PEX5: variants seen among roughly 807,000 people sequenced by gnomAD.
PEX5 encodes the protein PTS1 receptor.
Under a neutral mutation model 82.9 loss-of-function variants are expected in PEX5, and 52 were observed. That is an observed-to-expected ratio of 0.63 (90% CI 0.50 to 0.79). The LOEUF is 0.79. Among genes scored for constraint, PEX5 ranks in the 30% least tolerant of loss-of-function variants. PEX5 has a pLI of 0.00. For synonymous variants in PEX5, 300 were observed against 318.8 expected, an observed-to-expected ratio of 0.94 and a Z score of 0.63; for missense variants, 719 against 815.2, an observed-to-expected ratio of 0.88 and a Z score of 1.44.
intron 15 of PEX5, 48 bp downstream of exon 15, chr12:7,209,888 C>G (rs763550650): frequency 3.9e-5 from 63 of 1,610,646 alleles, no homozygotes; most frequent in Non-Finnish European, 4.8e-5. Context: ...TTCTCCCTGC[C>G]TTTGGCCCTA....
At chr12:7,192,005 G>A (rs907131640) in intron 5 of PEX5, among the ~76,000 whole-genome samples, 3 of 152,180 alleles carry the variant, frequency 2.0e-5, no homozygotes, top group African/African-American at 7.2e-5. Flanking sequence ...CAGTGTTGCC[G>A]AGGAAGAGAG....
In PEX5 at chr12:7,197,563, TAAG is replaced by T. The variant is rs1383266643; in HGVS notation, c.449-1447_449-1445del. The stretch of plus-strand genomic sequence containing the variant: ...ATTATATATGTTATATATAATATAA[TAAG>T]TAGTAATTACTTATTATTTATAATT... On this transcript the variant is annotated intron_variant, in intron 5 of 15. Transcript: ENST00000675855. 2.7e-5 allele frequency among the ~76,000 whole-genome samples: 4 copies of T among 147,252 alleles called. 1 individual carries two copies. Among genetic ancestry groups the T allele is most frequent in the South Asian group, 4.2e-4 (2 of 4,786 alleles).
At chr12:7,194,646 T>C (rs1398976196) in intron 5 of PEX5, among the ~76,000 whole-genome samples, 1 of 152,244 alleles carries the variant, frequency 6.6e-6, no homozygotes, top group East Asian at 1.9e-4. Context: ...TAATTCTCCA[T>C]CTTGTGTTTG....
At chr12:7,202,576 G>T in intron 8 of PEX5, 36 bp from the exon 9 acceptor site, 1 of 1,561,424 alleles carries the variant, frequency 6.4e-7, no homozygotes, top group Non-Finnish European at 8.8e-7. Context: ...ATAGAAAGTT[G>T]GTGGTAGTGG....
chr12:7,200,421 G>C (rs1482781665), intron 6 of PEX5, among the ~76,000 whole-genome samples: 1 of 151,468 alleles, frequency 6.6e-6, no homozygotes, highest in Non-Finnish European at 1.5e-5. Flanking sequence ...CAGCCAGGCA[G>C]AGGGGCTCCT....
intron 6 of PEX5, among the ~76,000 whole-genome samples, chr12:7,201,308 TACAC>T (rs1943983036): frequency 2.5e-5 from 3 of 119,818 alleles, no homozygotes; most frequent in South Asian, 2.9e-4. Flanking sequence ...CACATACACA[TACAC>T]ATGTATATAC....
chr12:7,194,280 ATTT>A (rs897369664), intron 5 of PEX5, among the ~76,000 whole-genome samples: 1 of 152,144 alleles, frequency 6.6e-6, no homozygotes, highest in African/African-American at 2.4e-5. Context: ...TTAAATTTAA[ATTT>A]TTTATTTGGA....
chr12:7,213,382 A>T (rs755330669), downstream of PEX5, among the ~76,000 whole-genome samples: 2,295 of 149,220 alleles, frequency 0.015, 65 homozygotes, highest in African/African-American at 0.055. Flanking sequence ...CAAAACAGAG[A>T]TATAGATCAA....
At chr12:7,193,166 T>C (rs780133170) in intron 5 of PEX5, among the ~76,000 whole-genome samples, 2 of 152,024 alleles carry the variant, frequency 1.3e-5, no homozygotes, top group Non-Finnish European at 2.9e-5. Context: ...AAAAGTTAAA[T>C]ACTTTGTGCA....
intron 5 of PEX5, among the ~76,000 whole-genome samples, chr12:7,193,629 A>C (rs114745552): frequency 4.3e-4 from 66 of 152,290 alleles, no homozygotes; most frequent in African/African-American, 1.6e-3. Context: ...TAAACCTTAG[A>C]CTTAAGTGCT....
At chr12:7,212,279 CT>C (rs2136285643), downstream of PEX5, among the ~76,000 whole-genome samples, 1 of 151,928 alleles carries the variant, frequency 6.6e-6, no homozygotes, top group East Asian at 1.9e-4. Context: ...AAAAGTCTAA[CT>C]TTTAAATTTA....
intron 9 of PEX5, 36 bp from the exon 10 acceptor site, chr12:7,203,396 G>T (rs1295855945): frequency 1.3e-6 from 2 of 1,595,118 alleles, no homozygotes; most frequent in Admixed American, 1.8e-5. Flanking sequence ...GGTCATGATG[G>T]ATCTCCTTTT....
intron 5 of PEX5, among the ~76,000 whole-genome samples, chr12:7,198,097 A>AAAC (rs1943091682): frequency 6.6e-6 from 1 of 152,072 alleles, no homozygotes; most frequent in South Asian, 2.1e-4. Flanking sequence ...GGAGGATGAA[A>AAAC]AACAGTTCAG....
chr12:7,202,646 G>T lies in PEX5; in HGVS notation c.788G>T (p.Arg263Ile). 1 of 1,614,142 alleles carries T rather than the reference G, an allele frequency of 6.2e-7. No homozygotes were observed. The highest frequency in any genetic ancestry group is 8.5e-7 in the Non-Finnish European group (1 of 1,180,010). Residue 263 changes from arginine to isoleucine, a missense_variant, in exon 9 of 16, where the codon AGA (arginine) becomes ATA (isoleucine). Coordinates refer to ENST00000675855, the MANE Select transcript of PEX5 (RefSeq NM_001351132.2). ...TSDAWVDQFTRPVNTSALDME... is the reference protein window; with the variant it reads ...TSDAWVDQFTIPVNTSALDME... ...GATGCCTGGGTTGACCAGTTCACAA[G>T]ACCAGTAAACACATCTGCCCTTGAT...
intron 11 of PEX5, 48 bp downstream of exon 11, chr12:7,207,850 T>A: frequency 6.2e-7 from 1 of 1,608,250 alleles, no homozygotes; most frequent in African/African-American, 1.3e-5. Context: ...GCTTCCTCCA[T>A]CTTGAGAAAG....
At chr12:7,194,613 C>T (rs116743379) in intron 5 of PEX5, among the ~76,000 whole-genome samples, 16 of 152,316 alleles carry the variant, frequency 1.1e-4, no homozygotes, top group African/African-American at 3.8e-4. Context: ...GGAATCCCCC[C>T]GTCTTAAATC....
At chr12:7,203,040 C>G (rs1944305313) in intron 9 of PEX5, among the ~76,000 whole-genome samples, 1 of 152,076 alleles carries the variant, frequency 6.6e-6, no homozygotes, top group Non-Finnish European at 1.5e-5. Flanking sequence ...TGCCTGTAAT[C>G]CCAGCTACTT....
downstream of PEX5, among the ~76,000 whole-genome samples, chr12:7,211,636 TCTCTGGGC>T (rs149203008): frequency 0.021 from 3,200 of 152,236 alleles, 109 homozygotes; most frequent in African/African-American, 0.072. Context: ...GGGTCCCTGT[TCTCTGGGC>T]CTCTGGGCTA....
upstream of PEX5, chr12:7,189,098 T>G (rs896821909): frequency 6.6e-6 from 1 of 152,072 alleles, no homozygotes; most frequent in African/African-American, 2.4e-5. Context: ...AGTGCTATTT[T>G]CCCCATTATG....
Sources: allele counts gnomAD v4.1 joint callset (sites outside exome capture counted in the v4.1 genomes callset), GRCh38; gene constraint gnomAD v4.1.1; transcripts MANE v1.5; gene names NCBI Gene and HGNC (gene_info 2026-07-23, HGNC 2026-07-21).